The following NFIB variants were observed in gnomAD, a reference collection of about 807,000 sequenced individuals.
NFIB encodes nuclear factor I B, also known as nuclear factor 1 B-type.
Under a neutral mutation model 61.5 loss-of-function variants are expected in NFIB, and 11 were observed. The observed-to-expected ratio is 0.18, with a 90% CI of 0.11 to 0.30. The LOEUF (loss-of-function observed/expected upper bound fraction) is 0.30. NFIB is among the 10% of genes least tolerant of loss of function. The probability of loss-of-function intolerance (pLI) is 1.00; values close to 1 mark genes in which losing one functional copy is unlikely to be tolerated. For synonymous variants in NFIB, 260 were observed against 216.5 expected, an observed-to-expected ratio of 1.20 and a Z score of -1.76; for missense variants, 471 against 608.9, an observed-to-expected ratio of 0.77 and a Z score of 2.38.
At chr9:14,413,246 A>T in the NFIB span, among the ~76,000 whole-genome samples, 5 of 152,136 alleles carry the variant, frequency 3.3e-5, no homozygotes, top group Admixed American at 2.6e-4. Flanking sequence ...CAGTGAGCTT[A>T]AAAAATGCAC....
chr9:14,369,039 T>C (rs2061330886), intron 1 of NFIB, among the ~76,000 whole-genome samples: 4 of 152,142 alleles, frequency 2.6e-5, no homozygotes, highest in South Asian at 2.1e-4. Flanking sequence ...ATACATAATA[T>C]CTCATTGCAA....
intron 3 of NFIB, among the ~76,000 whole-genome samples, chr9:14,164,974 G>A (rs900947392): frequency 6.6e-6 from 1 of 152,198 alleles, no homozygotes; most frequent in Non-Finnish European, 1.5e-5. Context: ...CACTAGCACT[G>A]GCATAACTGG....
At chr9:14,205,581 C>T (rs2049598721) in intron 2 of NFIB, among the ~76,000 whole-genome samples, 1 of 152,068 alleles carries the variant, frequency 6.6e-6, no homozygotes, top group Non-Finnish European at 1.5e-5. Flanking sequence ...CAAGTTTAAG[C>T]TCAGGTTGAG....
chr9:14,109,878 A>G (rs994305995), intron 10 of NFIB, among the ~76,000 whole-genome samples: 5 of 152,104 alleles, frequency 3.3e-5, no homozygotes, highest in African/African-American at 1.2e-4. Flanking sequence ...ACTTTCTTCC[A>G]GTCAGAATAA....
chr9:14,455,023 G>A, the NFIB span, among the ~76,000 whole-genome samples: 1 of 152,168 alleles, frequency 6.6e-6, no homozygotes, highest in Non-Finnish European at 1.5e-5. Flanking sequence ...AACTTTTATG[G>A]TTGTAAGCCC....
intron 2 of NFIB, among the ~76,000 whole-genome samples, chr9:14,255,092 G>A (rs562393861): frequency 7.2e-5 from 11 of 152,092 alleles, no homozygotes; most frequent in South Asian, 4.2e-4. Context: ...GTGTGGTGGC[G>A]CATACCTGTA....
intron 2 of NFIB, among the ~76,000 whole-genome samples, chr9:14,183,025 T>C (rs1430029065): frequency 1.3e-5 from 2 of 152,044 alleles, no homozygotes; most frequent in Non-Finnish European, 2.9e-5. Flanking sequence ...GGTTTAAACA[T>C]ATTAAAATGA....
At chr9:14,189,311 G>A (rs1336334027) in intron 2 of NFIB, among the ~76,000 whole-genome samples, 1 of 152,124 alleles carries the variant, frequency 6.6e-6, no homozygotes, top group Non-Finnish European at 1.5e-5. Context: ...TCTCCAAACT[G>A]CCTGGAGAGT....
intron 1 of NFIB, among the ~76,000 whole-genome samples, chr9:14,389,114 T>C (rs2133026147): frequency 6.6e-6 from 1 of 152,324 alleles, no homozygotes; most frequent in Middle Eastern, 3.4e-3. Context: ...ATTTTCTGTT[T>C]CTAAACATTT....
intron 2 of NFIB, among the ~76,000 whole-genome samples, chr9:14,302,349 CA>C (rs1304145260): frequency 1.3e-5 from 2 of 152,200 alleles, no homozygotes; most frequent in Non-Finnish European, 2.9e-5. Context: ...ATTTCAAAAA[CA>C]GTAATAATGA....
intron 2 of NFIB, among the ~76,000 whole-genome samples, chr9:14,187,407 A>G (rs4617253): frequency 0.98 from 148,665 of 152,260 alleles, 72,640 homozygotes; most frequent in Middle Eastern, 1. Context: ...AAGTATGAAG[A>G]CCTATATCTT....
At position 14,307,821 on chromosome 9, in the gene NFIB, T is replaced by C. The variant is rs1377039449; in HGVS notation, c.31-301A>G. ...CCCCCTTGTTTCCACCCCAATGCCATGCATTCTACATTCTTTAAAATATAG... is the reference window on the plus strand; with the variant it reads ...CCCCCTTGTTTCCACCCCAATGCCACGCATTCTACATTCTTTAAAATATAG... On this transcript the variant is annotated intron_variant, in intron 1 of 10. Transcript: ENST00000380953. This position sits in a 1 kb window ranked among gnomAD's most constrained non-coding sequence, Gnocchi z 5.3. The C allele has an allele frequency of 8.3e-6, 2 of 239,856 alleles. No homozygotes were observed. Among genetic ancestry groups the C allele is most frequent in the East Asian group, 1.6e-4 (2 of 12,340 alleles). The allele number at this position is 239,856 out of a possible 1,614,324, so 14.9% of individuals were successfully genotyped here. A position where few individuals can be genotyped will look rare whatever the true frequency, so the allele number is the denominator to read the frequency against.
At chr9:14,173,802 T>C (rs2131378859) in intron 3 of NFIB, among the ~76,000 whole-genome samples, 1 of 152,244 alleles carries the variant, frequency 6.6e-6, no homozygotes, top group African/African-American at 2.4e-5. Flanking sequence ...CATGGAAAAA[T>C]CTCCTTCTCT....
At chr9:14,384,503 T>C (rs966836338) in intron 1 of NFIB, among the ~76,000 whole-genome samples, 1 of 152,192 alleles carries the variant, frequency 6.6e-6, no homozygotes, top group African/African-American at 2.4e-5. Flanking sequence ...ATTTTTCTCC[T>C]TTCCAAACCT....
chr9:14,396,399 C>T (rs1046567019), intron 1 of NFIB, among the ~76,000 whole-genome samples: 6 of 152,134 alleles, frequency 3.9e-5, no homozygotes, highest in African/African-American at 1.4e-4. Flanking sequence ...CTCATTGTCC[C>T]AGGAACTGTT....
intron 2 of NFIB, among the ~76,000 whole-genome samples, chr9:14,202,460 G>C (rs1295735588): frequency 6.6e-6 from 1 of 152,162 alleles, no homozygotes; most frequent in Non-Finnish European, 1.5e-5. Flanking sequence ...AAATTACTTT[G>C]TGGTCACATC....
At chr9:14,124,196 T>C (rs548667048) in intron 7 of NFIB, among the ~76,000 whole-genome samples, 1 of 152,308 alleles carries the variant, frequency 6.6e-6, no homozygotes, top group South Asian at 2.1e-4. Flanking sequence ...TATATAAAAA[T>C]ATACTGTCTA....
At chr9:14,126,597 AG>A (rs2039679660) in intron 6 of NFIB, among the ~76,000 whole-genome samples, 1 of 152,230 alleles carries the variant, frequency 6.6e-6, no homozygotes, top group Admixed American at 6.5e-5. Context: ...AGAATACACA[AG>A]TAAACAGTGT....
intron 1 of NFIB, among the ~76,000 whole-genome samples, chr9:14,378,089 A>T (rs1391622942): frequency 6.6e-6 from 1 of 152,212 alleles, no homozygotes; most frequent in Non-Finnish European, 1.5e-5. Context: ...TGTCTGGATG[A>T]GACATTGGCT....
Sources: gnomAD v4.1 joint callset for allele counts (sites outside exome capture counted in the v4.1 genomes callset) on GRCh38, gnomAD v4.1.1 for gene constraint, Gnocchi (gnomAD v3.1) non-coding constraint, MANE v1.5 for transcripts, NCBI Gene and HGNC (gene_info 2026-07-23, HGNC 2026-07-21) for gene names.